Variants in SLC25A21 observed in about 807,000 individuals in gnomAD.
The protein encoded by SLC25A21 is mitochondrial 2-oxodicarboxylate carrier.
A neutral mutation model predicts 43.8 loss-of-function variants in SLC25A21; 47 were observed. The observed-to-expected ratio is 1.07, with a 90% CI of 0.85 to 1.37. The LOEUF (loss-of-function observed/expected upper bound fraction) is 1.37. Ranked by LOEUF, SLC25A21 falls within the 40% of genes most tolerant of loss-of-function variation. The pLI, the probability that SLC25A21 is intolerant of heterozygous loss-of-function variation, is 0.00. For missense variants in SLC25A21, 352 were observed against 350.2 expected, an observed-to-expected ratio of 1.00 and a Z score of -0.04; for synonymous variants, 131 against 121.3, an observed-to-expected ratio of 1.08 and a Z score of -0.52.
At chr14:36,721,871 G>A (rs960655720) in intron 6 of SLC25A21, among the ~76,000 whole-genome samples, 2 of 152,158 alleles carry the variant, frequency 1.3e-5, no homozygotes, top group African/African-American at 2.4e-5. Context: ...AATTTTCTAC[G>A]ATGAGCATAC....
intron 1 of SLC25A21, among the ~76,000 whole-genome samples, chr14:37,055,363 G>C (rs1395786635): frequency 1.3e-5 from 2 of 152,218 alleles, no homozygotes; most frequent in Non-Finnish European, 2.9e-5. Context: ...CTTTGTGGCA[G>C]AGGGCAGCCT....
intron 1 of SLC25A21, among the ~76,000 whole-genome samples, chr14:37,035,367 G>A (rs1329301326): frequency 6.6e-6 from 1 of 152,140 alleles, no homozygotes; most frequent in Non-Finnish European, 1.5e-5. Flanking sequence ...TAAGGTTCTG[G>A]CCCTGTGAGT....
At chr14:36,780,390 T>C (rs942895766) in intron 3 of SLC25A21, among the ~76,000 whole-genome samples, 3 of 152,048 alleles carry the variant, frequency 2.0e-5, no homozygotes, top group African/African-American at 4.8e-5. Context: ...TTAATTTGCT[T>C]TTCTTTTTCT....
intron 1 of SLC25A21, among the ~76,000 whole-genome samples, chr14:37,101,056 C>G (rs963819475): frequency 3.3e-5 from 5 of 152,282 alleles, no homozygotes; most frequent in Admixed American, 2.0e-4. Context: ...GATGATTTCA[C>G]AGATACACTA....
intron 1 of SLC25A21, among the ~76,000 whole-genome samples, chr14:36,997,227 T>C (rs1485268617): frequency 2.6e-5 from 4 of 152,132 alleles, no homozygotes; most frequent in African/African-American, 9.7e-5. Flanking sequence ...CAATTTGAGA[T>C]TCAGTTCAAT....
chr14:36,944,225 C>T (rs924334034), intron 1 of SLC25A21, among the ~76,000 whole-genome samples: 1 of 152,146 alleles, frequency 6.6e-6, no homozygotes, highest in Non-Finnish European at 1.5e-5. Context: ...GCCCAGCATA[C>T]TGTCGGGCAA....
chr14:36,764,632 A>C (rs1405906568), intron 3 of SLC25A21, among the ~76,000 whole-genome samples: 1 of 151,470 alleles, frequency 6.6e-6, no homozygotes, highest in Non-Finnish European at 1.5e-5. Context: ...AAAAAAAAAA[A>C]ACCACGCATG....
intron 3 of SLC25A21, among the ~76,000 whole-genome samples, chr14:36,748,072 C>T (rs1001511144): frequency 3.3e-5 from 5 of 152,206 alleles, no homozygotes; most frequent in African/African-American, 1.2e-4. Context: ...AAGCAACTTT[C>T]CTAGTAGTGA....
At chr14:36,968,046 A>G (rs1171898482) in intron 1 of SLC25A21, among the ~76,000 whole-genome samples, 3 of 152,222 alleles carry the variant, frequency 2.0e-5, no homozygotes, top group Admixed American at 6.5e-5. Flanking sequence ...TTAAGAAAGC[A>G]AAGCAAACAG....
chr14:36,822,843 G>A (rs1370642102), intron 2 of SLC25A21, among the ~76,000 whole-genome samples: 4 of 152,180 alleles, frequency 2.6e-5, no homozygotes, highest in Admixed American at 6.5e-5. Context: ...TTTTGTGTCT[G>A]TACACTTTAC....
chr14:37,036,264 A>G (rs2138775995), intron 1 of SLC25A21, among the ~76,000 whole-genome samples: 1 of 152,308 alleles, frequency 6.6e-6, no homozygotes, highest in South Asian at 2.1e-4. Context: ...GCTATAATCA[A>G]AAAGTAGCTG....
At chr14:36,703,702 A>G (rs1883378261) in intron 7 of SLC25A21, among the ~76,000 whole-genome samples, 1 of 152,262 alleles carries the variant, frequency 6.6e-6, no homozygotes, top group African/African-American at 2.4e-5. Context: ...GAAACATATG[A>G]AAAGAAGTAA....
At chr14:36,686,614 T>A (rs1321490995) in intron 7 of SLC25A21, among the ~76,000 whole-genome samples, 1 of 152,210 alleles carries the variant, frequency 6.6e-6, no homozygotes, top group African/African-American at 2.4e-5. Context: ...TGCACAAACC[T>A]GGCAGAAAAT....
At chr14:37,078,068 G>T (rs1962316465) in intron 1 of SLC25A21, among the ~76,000 whole-genome samples, 1 of 152,128 alleles carries the variant, frequency 6.6e-6, no homozygotes, top group Admixed American at 6.5e-5. Context: ...TTTAAAAAAA[G>T]AAAGATGACA....
intron 1 of SLC25A21, among the ~76,000 whole-genome samples, chr14:37,152,132 T>A (rs1963769364): frequency 6.6e-6 from 1 of 152,176 alleles, no homozygotes; most frequent in African/African-American, 2.4e-5. Context: ...ATAAGATTTA[T>A]CTTACTTTTT....
intron 1 of SLC25A21, among the ~76,000 whole-genome samples, chr14:36,977,198 C>T (rs1331419823): frequency 6.6e-6 from 1 of 152,030 alleles, no homozygotes; most frequent in Non-Finnish European, 1.5e-5. Flanking sequence ...GGATCTATGG[C>T]CTAATCTATC....
At chr14:36,971,933 G>A (rs1001665491) in intron 1 of SLC25A21, among the ~76,000 whole-genome samples, 3 of 152,108 alleles carry the variant, frequency 2.0e-5, no homozygotes, top group Non-Finnish European at 4.4e-5. Flanking sequence ...GTGTTAAGAA[G>A]AGGACACAAA....
intron 6 of SLC25A21, among the ~76,000 whole-genome samples, chr14:36,718,005 A>T (rs1028459786): frequency 4.6e-5 from 7 of 152,118 alleles, no homozygotes; most frequent in African/African-American, 1.7e-4. Context: ...GTCTTACTTG[A>T]TTTGTTAAAA....
At chr14:36,855,959 G>T (rs750334232) in intron 2 of SLC25A21, among the ~76,000 whole-genome samples, 2 of 152,190 alleles carry the variant, frequency 1.3e-5, no homozygotes, top group Non-Finnish European at 2.9e-5. Context: ...GGCATCTAGT[G>T]AGTAGAGGCC....
Sources: allele counts gnomAD v4.1 joint callset (sites outside exome capture counted in the v4.1 genomes callset), GRCh38; gene constraint gnomAD v4.1.1; transcripts MANE v1.5; gene names NCBI Gene and HGNC (gene_info 2026-07-23, HGNC 2026-07-21).